The following EFNA5 variants were observed in gnomAD, a reference collection of about 807,000 sequenced individuals.
EFNA5 encodes the protein ephrin A5, also known as ephrin-A5.
In EFNA5, 5 loss-of-function variants were observed where a neutral mutation model predicts 22.9. The observed-to-expected ratio is 0.22, with a 90% CI of 0.11 to 0.46. The LOEUF is 0.46. Ranked by LOEUF, EFNA5 falls within the 20% of genes least tolerant of loss-of-function variation. The probability of loss-of-function intolerance (pLI) is 0.99; values close to 1 mark genes in which losing one functional copy is unlikely to be tolerated. For missense variants in EFNA5, 237 were observed against 293.3 expected, an observed-to-expected ratio of 0.81 and a Z score of 1.40; for synonymous variants, 113 against 112.2, an observed-to-expected ratio of 1.01 and a Z score of -0.04.
intron 1 of EFNA5, among the ~76,000 whole-genome samples, chr5:107,608,189 G>A (rs1025186242): frequency 1.3e-5 from 2 of 152,144 alleles, no homozygotes; most frequent in African/African-American, 4.8e-5. Context: ...GGCTTCAAAA[G>A]CTAAATGACA....
At chr5:107,564,090 T>C (rs1419131352) in intron 1 of EFNA5, among the ~76,000 whole-genome samples, 5 of 151,964 alleles carry the variant, frequency 3.3e-5, no homozygotes, top group Non-Finnish European at 5.9e-5. Flanking sequence ...GCAGAGGGGA[T>C]GGGCAGGGGC....
chr5:107,394,403 G>A (rs565616692), intron 2 of EFNA5, among the ~76,000 whole-genome samples: 2 of 152,310 alleles, frequency 1.3e-5, no homozygotes, highest in South Asian at 2.1e-4. Flanking sequence ...ACTTTGATAT[G>A]ACTCTGGGGA....
At chr5:107,386,148 C>CAAAAAA (rs33964723) in intron 4 of EFNA5, among the ~76,000 whole-genome samples, 9 of 79,204 alleles carry the variant, frequency 1.1e-4, no homozygotes, top group Non-Finnish European at 1.9e-4. Flanking sequence ...AGAAATTCTA[C>CAAAAAA]AAAAAAAAAA....
intron 2 of EFNA5, among the ~76,000 whole-genome samples, chr5:107,409,538 A>G (rs559339138): frequency 4.6e-4 from 70 of 152,324 alleles, no homozygotes; most frequent in Non-Finnish European, 4.8e-4. Context: ...GTTCAGAACC[A>G]ACTTGGAAGG....
intron 1 of EFNA5, among the ~76,000 whole-genome samples, chr5:107,586,220 G>A (rs1334626999): frequency 6.6e-6 from 1 of 152,032 alleles, no homozygotes. Flanking sequence ...AACTCATGAA[G>A]TAAAGATCTA....
intron 1 of EFNA5, among the ~76,000 whole-genome samples, chr5:107,646,862 T>C (rs1218145669): frequency 6.6e-6 from 1 of 152,124 alleles, no homozygotes; most frequent in East Asian, 1.9e-4. Flanking sequence ...GATTTTCCTG[T>C]ATGAGAAAAG....
rs2112481372 is a variant in EFNA5 at position 107,380,657 on chromosome 5, A to T, written c.*598T>A. 1 of 397,208 alleles carries T rather than the reference A, an allele frequency of 2.5e-6. No homozygotes were observed. The highest frequency in any genetic ancestry group is 4.4e-6 in the Non-Finnish European group (1 of 225,304). 24.6% of individuals were successfully genotyped at this position (397,208 alleles called of 1,614,324 possible). A position where few individuals can be genotyped will look rare whatever the true frequency, so the allele number is the denominator to read the frequency against. On this transcript the variant is annotated 3_prime_UTR_variant, in exon 5 of 5. Coordinates refer to ENST00000333274, the MANE Select transcript of EFNA5 (RefSeq NM_001962.3). ...CTTTAAGACAGTCATATTAAAAAAA[A>T]AAACCAGTGTCTCAACCTTTTAGAA... is the stretch of plus-strand genomic sequence containing the variant.
At chr5:107,664,724 T>C (rs1030671455) in intron 1 of EFNA5, among the ~76,000 whole-genome samples, 5 of 152,090 alleles carry the variant, frequency 3.3e-5, no homozygotes, top group Non-Finnish European at 5.9e-5. Flanking sequence ...TCTGACTGAG[T>C]TGTCCTGGGT....
intron 1 of EFNA5, among the ~76,000 whole-genome samples, chr5:107,572,725 GT>G (rs1426532397): frequency 6.6e-6 from 1 of 152,108 alleles, no homozygotes; most frequent in Non-Finnish European, 1.5e-5. Flanking sequence ...CACTTCCATT[GT>G]TTTTTTACAC....
At chr5:107,502,261 A>G (rs1001911646) in intron 1 of EFNA5, among the ~76,000 whole-genome samples, 1 of 152,142 alleles carries the variant, frequency 6.6e-6, no homozygotes, top group Non-Finnish European at 1.5e-5. Context: ...ATTTCCTCTC[A>G]TGACTCACTG....
chr5:107,506,212 T>C (rs1264510431), intron 1 of EFNA5: 1 of 152,248 alleles, frequency 6.6e-6, no homozygotes, highest in Non-Finnish European at 1.5e-5. Context: ...AGATATCTTG[T>C]ACATATTCCA....
intron 1 of EFNA5, among the ~76,000 whole-genome samples, chr5:107,617,115 C>A (rs549784200): frequency 6.6e-6 from 1 of 151,702 alleles, no homozygotes; most frequent in Admixed American, 6.6e-5. Context: ...AAAATATTAA[C>A]CCTAATTCAG....
intron 1 of EFNA5, among the ~76,000 whole-genome samples, chr5:107,448,497 G>C (rs1232005639): frequency 6.6e-6 from 1 of 152,064 alleles, no homozygotes; most frequent in African/African-American, 2.4e-5. Flanking sequence ...AGATGGACAA[G>C]AGAAAAGTTA....
intron 1 of EFNA5, among the ~76,000 whole-genome samples, chr5:107,663,466 A>G (rs1751007485): frequency 6.6e-6 from 1 of 152,152 alleles, no homozygotes; most frequent in South Asian, 2.1e-4. Flanking sequence ...TTGCTAACAT[A>G]TATGACTGTC....
intron 1 of EFNA5, among the ~76,000 whole-genome samples, chr5:107,640,269 T>C (rs181746270): frequency 6.6e-5 from 10 of 152,226 alleles, no homozygotes; most frequent in South Asian, 4.1e-4. Context: ...TTGACAAGGA[T>C]AGTTTTCAGT....
chr5:107,463,280 TAAC>T lies in EFNA5; in HGVS notation c.126-35774_126-35772del, dbSNP rs149536156. On this transcript the variant is annotated intron_variant, in intron 1 of 4. Transcript: ENST00000333274. ...ATATATAGAATAATTTTAATCATGT[TAAC>T]AAATTCACACACATATATTTCATAC... 1.1e-4 allele frequency among the ~76,000 whole-genome samples: 16 copies of T among 152,300 alleles called. No homozygotes were observed. The East Asian group carries it at 3.1e-3, about 29-fold the overall frequency.
intron 1 of EFNA5, among the ~76,000 whole-genome samples, chr5:107,584,766 G>T (rs1029300827): frequency 2.0e-5 from 3 of 152,094 alleles, no homozygotes; most frequent in African/African-American, 7.2e-5. Context: ...TATATAGTAG[G>T]CACTCAATAA....
intron 1 of EFNA5, among the ~76,000 whole-genome samples, chr5:107,532,301 G>C (rs965337360): frequency 4.6e-5 from 7 of 152,238 alleles, no homozygotes; most frequent in African/African-American, 1.7e-4. Flanking sequence ...ACATCTGATA[G>C]GTAAAGTCAG....
chr5:107,376,985 TG>T lies in EFNA5; in HGVS notation c.*4269del. The T allele has an allele frequency of 6.7e-6, 1 of 148,842 alleles. No homozygotes were observed. Among genetic ancestry groups the T allele is most frequent in the South Asian group, 2.1e-4 (1 of 4,800 alleles). The allele number at this position is 148,842 out of a possible 1,614,324, so 9.2% of individuals were successfully genotyped here. ...CAGATCGTATGGGTTTGTTTGTGTG[TG>T]GGTTTTTTTTTTTTACATTTTCTTT... On this transcript the variant is annotated 3_prime_UTR_variant, in exon 5 of 5. Transcript: ENST00000333274.
Sources: allele counts gnomAD v4.1 joint callset (sites outside exome capture counted in the v4.1 genomes callset), GRCh38; gene constraint gnomAD v4.1.1; transcripts MANE v1.5; gene names NCBI Gene and HGNC (gene_info 2026-07-23, HGNC 2026-07-21).